The following STXBP6 variants were observed in gnomAD, a reference collection of about 807,000 sequenced individuals.
STXBP6 encodes the protein syntaxin binding protein 6, also known as syntaxin-binding protein 6.
STXBP6 carries 21 observed loss-of-function variants against 26.9 expected under a neutral mutation model. That is an observed-to-expected ratio of 0.78 (90% CI 0.55 to 1.12). The LOEUF (loss-of-function observed/expected upper bound fraction) is 1.12, where lower values mean the gene tolerates loss of function less well. Ranked by LOEUF, STXBP6 falls within the 50% of genes most tolerant of loss-of-function variation. The probability of loss-of-function intolerance (pLI) is 0.00; values close to 1 mark genes in which losing one functional copy is unlikely to be tolerated. For missense variants in STXBP6, 232 were observed against 257.9 expected, an observed-to-expected ratio of 0.90 and a Z score of 0.69; for synonymous variants, 97 against 92.6, an observed-to-expected ratio of 1.05 and a Z score of -0.27.
At chr14:24,917,459 C>T (rs75737112) in intron 2 of STXBP6, among the ~76,000 whole-genome samples, 4,819 of 152,044 alleles carry the variant, frequency 0.032, 200 homozygotes, top group African/African-American at 0.1. Context: ...AAACACCAAT[C>T]GCACCATAAG....
Position 24,812,681 on chromosome 14 carries a change from A to G in STXBP6, c.*28T>C, listed in dbSNP as rs1231142358. On this transcript the variant is annotated 3_prime_UTR_variant, in exon 6 of 6. Transcript: ENST00000323944. ...CTGAACAAACTCTTCAGTTTCTCTT[A>G]AGAAGAGTCACCAGGATAGGCAGTT... The G allele has an allele frequency of 6.2e-7, 1 of 1,610,944 alleles. No individual in the cohort carries two copies. Among genetic ancestry groups the G allele is most frequent in the East Asian group, 2.2e-5 (1 of 44,800 alleles).
chr14:24,914,494 A>G (rs188099983), intron 2 of STXBP6, among the ~76,000 whole-genome samples: 10 of 152,274 alleles, frequency 6.6e-5, no homozygotes, highest in Admixed American at 6.5e-4. Context: ...TTGTGACAAT[A>G]ACAAATTTTC....
At chr14:24,828,042 T>TC (rs1423506445) in intron 4 of STXBP6, among the ~76,000 whole-genome samples, 2 of 152,144 alleles carry the variant, frequency 1.3e-5, no homozygotes, top group African/African-American at 4.8e-5. Context: ...TTTTTTTTTT[T>TC]TTTCCAGCAT....
At position 24,812,401 on chromosome 14, in the gene STXBP6, CA is replaced by C. The variant is rs958579003; in HGVS notation, c.*307del. 2 of 241,584 alleles carry C rather than the reference CA, an allele frequency of 8.3e-6. No individual in the cohort carries two copies. Among genetic ancestry groups the C allele is most frequent in the African/African-American group, 2.2e-5 (1 of 44,542 alleles). 15.0% of individuals were successfully genotyped at this position (241,584 alleles called of 1,614,324 possible). ...TGGTCCAAATTTCATATTCAAACTA[CA>C]AAAAATATTTTTTAATAAAGAAAAC... On this transcript the variant is annotated 3_prime_UTR_variant, in exon 6 of 6. Transcript: ENST00000323944.
At chr14:24,824,989 C>G (rs557397123) in intron 4 of STXBP6, among the ~76,000 whole-genome samples, 2 of 152,234 alleles carry the variant, frequency 1.3e-5, no homozygotes, top group Admixed American at 1.3e-4. Context: ...CTGTGAGTTA[C>G]AGTGCTCCAA....
In STXBP6 at chr14:24,894,543, A is replaced by G. The variant is rs140728988; in HGVS notation, c.155-37386T>C. Among the ~76,000 whole-genome samples, 1,309 of 152,306 alleles carry G rather than the reference A, an allele frequency of 8.6e-3. 19 individuals are homozygous for G. Among genetic ancestry groups the G allele is most frequent in the African/African-American group, 0.03 (1,229 of 41,556 alleles). ...CCCCCAGACAGGAAACTTAATGCTG[A>G]TGAGAAGAGCCCTAAGCAGATTCCA... On this transcript the variant is annotated intron_variant, in intron 2 of 5. Transcript: ENST00000323944.
At chr14:24,853,210 G>C (rs1442227363) in intron 4 of STXBP6, among the ~76,000 whole-genome samples, 3 of 152,022 alleles carry the variant, frequency 2.0e-5, no homozygotes, top group Admixed American at 2.0e-4. Flanking sequence ...ATATCCTAAA[G>C]ATGTGGAAGA....
chr14:24,915,370 G>A (rs2139761623), intron 2 of STXBP6, among the ~76,000 whole-genome samples: 1 of 152,180 alleles, frequency 6.6e-6, no homozygotes, highest in Non-Finnish European at 1.5e-5. Flanking sequence ...GTGGGGCATG[G>A]ATTGTTTCAC....
intron 1 of STXBP6, among the ~76,000 whole-genome samples, chr14:25,023,691 G>A (rs571363773): frequency 7.7e-4 from 117 of 152,270 alleles, no homozygotes; most frequent in Non-Finnish European, 1.2e-3. Context: ...GGCTACTCAG[G>A]AGGCTGAGGT....
At chr14:24,827,542 T>G (rs992397692) in intron 4 of STXBP6, among the ~76,000 whole-genome samples, 1 of 152,110 alleles carries the variant, frequency 6.6e-6, no homozygotes, top group Non-Finnish European at 1.5e-5. Flanking sequence ...ACTCTTAACC[T>G]CTCCAACATA....
chr14:24,938,792 C>T (rs1284504722), intron 2 of STXBP6, among the ~76,000 whole-genome samples: 1 of 152,140 alleles, frequency 6.6e-6, no homozygotes, highest in African/African-American at 2.4e-5. Context: ...GGATCTTAAA[C>T]ATGAGTCCCT....
At chr14:25,007,810 C>T (rs566256404) in intron 1 of STXBP6, among the ~76,000 whole-genome samples, 1 of 152,306 alleles carries the variant, frequency 6.6e-6, no homozygotes, top group East Asian at 1.9e-4. Flanking sequence ...TTTTGAACAT[C>T]TCAAAAGGAG....
chr14:24,940,092 T>C (rs902594613), intron 2 of STXBP6, among the ~76,000 whole-genome samples: 2 of 152,234 alleles, frequency 1.3e-5, no homozygotes, highest in Non-Finnish European at 2.9e-5. Flanking sequence ...TTCATAAAGC[T>C]GAGAGAGCAA....
chr14:24,821,870 T>A (rs1289256230), intron 4 of STXBP6, among the ~76,000 whole-genome samples: 1 of 152,138 alleles, frequency 6.6e-6, no homozygotes, highest in Non-Finnish European at 1.5e-5. Context: ...ATCTTTAATA[T>A]TTTTCCTCTA....
intron 1 of STXBP6, among the ~76,000 whole-genome samples, chr14:25,003,046 T>A (rs1264477864): frequency 1.3e-5 from 2 of 152,192 alleles, no homozygotes; most frequent in East Asian, 3.9e-4. Context: ...GATTCTTAAA[T>A]GTAAAGGTCA....
In STXBP6 at chr14:25,049,254, C is replaced by T. The variant is rs1159742144; in HGVS notation, c.-33+624G>A. On this transcript the variant is annotated intron_variant, in intron 1 of 5. Transcript: ENST00000323944. This position sits in a 1 kb window ranked among gnomAD's most constrained non-coding sequence, Gnocchi z 5.6. ...CGGTGTTGGTGAGGCTCGATGCCGG[C>T]GTGCACGGCAAGCGCGAATTCGGAA... 6.1e-6 allele frequency: 6 copies of T among 985,308 alleles called. No individual in the cohort carries two copies. Among genetic ancestry groups the T allele is most frequent in the Non-Finnish European group, 6.0e-6 (5 of 829,958 alleles). 61.0% of individuals were successfully genotyped at this position (985,308 alleles called of 1,614,324 possible).
chr14:25,041,893 A>T (rs903649388), intron 1 of STXBP6, among the ~76,000 whole-genome samples: 1 of 152,230 alleles, frequency 6.6e-6, no homozygotes, highest in Admixed American at 6.5e-5. Flanking sequence ...CAGGCGTTAA[A>T]GACCCCAACC....
intron 5 of STXBP6, chr14:24,817,663 T>C: frequency 1.2e-5 from 2 of 167,064 alleles, no homozygotes; most frequent in Admixed American, 1.1e-4. Flanking sequence ...ATGTCATCAT[T>C]ATCTCTGTGT....
rs557869431 is a variant in STXBP6 at position 25,000,569 on chromosome 14, G to A, written c.-32-25719C>T. Among the ~76,000 whole-genome samples the A allele has an allele frequency of 1.9e-4, 29 of 150,974 alleles. No homozygotes were observed. The East Asian group carries it at 3.4e-3, about 18-fold the overall frequency. Reference sequence around the variant, plus strand: ...AGAAACTGAAATTTCTCTTCCCTACGGGAAGTCATTAAAACCAGAACCTTC... The same window carrying A: ...AGAAACTGAAATTTCTCTTCCCTACAGGAAGTCATTAAAACCAGAACCTTC... On this transcript the variant is annotated intron_variant, in intron 1 of 5. Coordinates refer to ENST00000323944, the MANE Select transcript of STXBP6 (RefSeq NM_001394410.1).
Sources: allele counts gnomAD v4.1 joint callset (sites outside exome capture counted in the v4.1 genomes callset), GRCh38; gene constraint gnomAD v4.1.1; non-coding constraint Gnocchi (gnomAD v3.1); transcripts MANE v1.5; gene names NCBI Gene and HGNC (gene_info 2026-07-23, HGNC 2026-07-21).